The following BPTF variants were observed in gnomAD, a reference collection of about 807,000 sequenced individuals.
BPTF encodes the protein bromodomain PHD finger transcription factor.
Under a neutral mutation model 292.5 loss-of-function variants are expected in BPTF, and 18 were observed. That is an observed-to-expected ratio of 0.06 (90% CI 0.04 to 0.09). The LOEUF (loss-of-function observed/expected upper bound fraction) is 0.09. BPTF is among the 10% of genes least tolerant of loss of function. The probability of loss-of-function intolerance (pLI) is 1.00; values close to 1 mark genes in which losing one functional copy is unlikely to be tolerated. For missense variants in BPTF, 2,726 were observed against 3,498.7 expected (o/e 0.78, Z 5.57); for synonymous variants, 1,225 against 1,251.9 (o/e 0.98, Z 0.45).
At chr17:67,973,636 G>A (rs1555692213) in intron 26 of BPTF, among the ~76,000 whole-genome samples, 1 of 151,942 alleles carries the variant, frequency 6.6e-6, no homozygotes, top group Non-Finnish European at 1.5e-5. Flanking sequence ...CTCCCTAGTA[G>A]CTGGGATTAA....
In BPTF at chr17:67,969,400, C is replaced by T. The variant is rs1199234410; in HGVS notation, c.8539+2744C>T. Among the ~76,000 whole-genome samples, 5 of 127,370 alleles carry T rather than the reference C, an allele frequency of 3.9e-5. No homozygotes were observed. In the Admixed American group the frequency reaches 5.0e-4, roughly 13 times the overall value. The allele number at this position is 127,370 out of a possible 152,430, so 83.6% of individuals were successfully genotyped here. On this transcript the variant is annotated intron_variant, in intron 26 of 27. Coordinates refer to ENST00000306378, the MANE Select transcript of BPTF (RefSeq NM_182641.4). ...CTGAGAGGCAGAGGTTGCTGTGAGA[C>T]AAGATCGCGCCACTGCACTCCAGCC...
chr17:67,874,961 T>G lies in BPTF; in HGVS notation c.1805T>G (p.Leu602Arg). The G allele has an allele frequency of 6.2e-7, 1 of 1,613,738 alleles. No homozygotes were observed. Among genetic ancestry groups the G allele is most frequent in the Non-Finnish European group, 8.5e-7 (1 of 1,179,866 alleles). The change falls in exon 4 of 28, where the codon CTT becomes CGT. Residue 602 changes from leucine (L) to arginine (R), a missense_variant. By Grantham distance (102) the Leu-to-Arg change is moderately radical (BLOSUM62 -2). Coordinates refer to ENST00000306378, the MANE Select transcript of BPTF (RefSeq NM_182641.4). ...AGAGAAGAATTTGAAGACCAGTCCC[T>G]TGAAAAAGACAGTGACGACAAAACA... Reference protein sequence around the residue: ...KNREEFEDQSLEKDSDDKTPD... With the variant: ...KNREEFEDQSREKDSDDKTPD...
chr17:67,892,607 T>A (rs1246421339), intron 5 of BPTF, among the ~76,000 whole-genome samples: 2 of 152,132 alleles, frequency 1.3e-5, no homozygotes, highest in African/African-American at 4.8e-5. Context: ...GAGAATTATT[T>A]GCAGGGTAGA....
intron 23 of BPTF, among the ~76,000 whole-genome samples, chr17:67,949,572 C>G (rs1397712996): frequency 6.7e-6 from 1 of 148,372 alleles, no homozygotes; most frequent in East Asian, 2.0e-4. Flanking sequence ...GAGACTCCAT[C>G]TCAAAAAAAA....
chr17:67,874,977 C>A lies in BPTF; in HGVS notation c.1821C>A (p.Asp607Glu), dbSNP rs758457228. ...FEDQSLEKDSDDKTPDDDPEQ... is the reference protein window; with the variant it reads ...FEDQSLEKDSEDKTPDDDPEQ... ...ACCAGTCCCTTGAAAAAGACAGTGA[C>A]GACAAAACACCAGATGATGACCCTG... Residue 607 changes from aspartate to glutamate, a missense_variant, in exon 4 of 28, where the codon GAC becomes GAA. Coordinates refer to ENST00000306378, the MANE Select transcript of BPTF (RefSeq NM_182641.4). 1.2e-6 allele frequency: 2 copies of A among 1,613,276 alleles called. No homozygotes were observed. Among genetic ancestry groups the A allele is most frequent in the Non-Finnish European group, 1.7e-6 (2 of 1,179,752 alleles).
Position 67,947,802 on chromosome 17 carries a change from A to G in BPTF, c.7694A>G (p.Asn2565Ser), listed in dbSNP as rs1555676191. The change falls in exon 22 of 28, where the codon AAT becomes AGT. Residue 2565 changes from asparagine (N) to serine (S), a missense_variant. This residue lies in a region of BPTF where 570 missense variants were observed against 633.5 expected (regional missense o/e 0.90). Coordinates refer to ENST00000306378, the MANE Select transcript of BPTF (RefSeq NM_182641.4). ...ATGACTCCAGCTGAAAGAGAAGAGA[A>G]TCAAAGGTAGGGGAGACGCAGGGTC... Reference protein sequence around the residue: ...KSMTPAEREENQRMIVCNQVM... With the variant: ...KSMTPAEREESQRMIVCNQVM... The G allele has an allele frequency of 6.4e-7, 1 of 1,552,096 alleles. No homozygotes were observed. Among genetic ancestry groups the G allele is most frequent in the Middle Eastern group, 1.7e-4 (1 of 5,992 alleles).
intron 27 of BPTF, among the ~76,000 whole-genome samples, chr17:67,978,686 G>A (rs1280891680): frequency 5.3e-5 from 8 of 152,120 alleles, no homozygotes; most frequent in African/African-American, 1.9e-4. Context: ...TATACAGCAG[G>A]CTGTAAAATG....
chr17:67,939,830 A>C (rs558027110), intron 18 of BPTF, among the ~76,000 whole-genome samples: 19 of 152,330 alleles, frequency 1.2e-4, no homozygotes, highest in African/African-American at 4.6e-4. Context: ...CAGTGAGCCA[A>C]GATCACGCCA....
intron 13 of BPTF, among the ~76,000 whole-genome samples, chr17:67,920,788 A>G (rs1009249146): frequency 6.6e-6 from 1 of 152,220 alleles, no homozygotes; most frequent in Admixed American, 6.5e-5. Context: ...GTCTACTTAG[A>G]AAATTCATGA....
rs1269349964 is a variant in BPTF at position 67,826,085 on chromosome 17, G to C, written c.361G>C (p.Val121Leu). ...CCGGACCACCGCGGCCCGGAGGGCC[G>C]TCAACAAAGTGGTGTACGATGACCA... The part of the protein sequence containing the change: ...LARTTAARRA[V>L]NKVVYDDHES... Residue 121 changes from valine to leucine, a missense_variant, in exon 1 of 28, where the codon GTC becomes CTC. By Grantham distance (32) the Val-to-Leu change is conservative. This residue lies in a region of BPTF where 153 missense variants were observed against 178.3 expected (regional missense o/e 0.86). Coordinates refer to ENST00000306378, the MANE Select transcript of BPTF (RefSeq NM_182641.4). 1 of 1,318,840 alleles carries C rather than the reference G, an allele frequency of 7.6e-7. No individual in the cohort carries two copies. Among genetic ancestry groups the C allele is most frequent in the Admixed American group, 2.2e-5 (1 of 45,426 alleles). 81.7% of individuals were successfully genotyped at this position (1,318,840 alleles called of 1,614,324 possible).
chr17:67,869,899 G>A (rs1286830623), intron 3 of BPTF, among the ~76,000 whole-genome samples: 1 of 148,200 alleles, frequency 6.7e-6, no homozygotes, highest in Non-Finnish European at 1.5e-5. Context: ...CTACTCGGCA[G>A]CCTGAGGCAA....
chr17:67,952,649 A>G (rs1391562641), intron 23 of BPTF, among the ~76,000 whole-genome samples: 3 of 152,120 alleles, frequency 2.0e-5, no homozygotes, highest in Admixed American at 6.6e-5. Context: ...AATTTCCCCT[A>G]TTAATGTTAG....
rs566562284 is a variant in BPTF at position 67,869,751 on chromosome 17, A to T, written c.1660+3064A>T. Among the ~76,000 whole-genome samples, 4 of 147,106 alleles carry T rather than the reference A, an allele frequency of 2.7e-5. No individual in the cohort carries two copies. In the South Asian group the frequency reaches 8.7e-4, roughly 32 times the overall value. On this transcript the variant is annotated intron_variant, in intron 3 of 27. Coordinates refer to ENST00000306378, the MANE Select transcript of BPTF (RefSeq NM_182641.4). ...GTAATCCCAGCATTTTGGGAGGCTG[A>T]GGCGGGCGGATCACGAGGTCAGGAG...
At chr17:67,967,137 A>G (rs1268731437) in intron 26 of BPTF, among the ~76,000 whole-genome samples, 4 of 46,768 alleles carry the variant, frequency 8.6e-5, no homozygotes, top group Non-Finnish European at 2.1e-4. Flanking sequence ...TTAATTGTGC[A>G]TACTTTTTTT....
chr17:67,957,193 G>A (rs1167671983), intron 23 of BPTF: 3 of 152,092 alleles, frequency 2.0e-5, no homozygotes, highest in South Asian at 4.1e-4. Context: ...TGAGGCAGGT[G>A]AATCACTTGA....
At chr17:67,924,450 C>T in intron 14 of BPTF, 97 bp from the exon 15 acceptor site, 1 of 1,210,330 alleles carries the variant, frequency 8.3e-7, no homozygotes, top group Non-Finnish European at 1.2e-6. Context: ...AATATCATAC[C>T]TTTGTATGAT....
intron 24 of BPTF, among the ~76,000 whole-genome samples, chr17:67,961,004 AT>A (rs1169355093): frequency 5.7e-4 from 87 of 151,898 alleles, no homozygotes; most frequent in Non-Finnish European, 9.7e-4. Flanking sequence ...TGATTCACTG[AT>A]TTTTTTTTAC....
At chr17:67,904,962 G>A (rs947662099) in intron 9 of BPTF, 122 bp downstream of exon 9, 56 of 720,462 alleles carry the variant, frequency 7.8e-5, no homozygotes, top group Non-Finnish European at 6.5e-5. Flanking sequence ...TCGTACTGCA[G>A]AATTACTAGT....
chr17:67,872,830 C>T (rs1486831558), intron 3 of BPTF, among the ~76,000 whole-genome samples: 1 of 152,208 alleles, frequency 6.6e-6, no homozygotes, highest in African/African-American at 2.4e-5. Flanking sequence ...CTGGGCACTG[C>T]TAACGCCTGT....
Sources: gnomAD v4.1 joint callset for allele counts (sites outside exome capture counted in the v4.1 genomes callset) on GRCh38, gnomAD v4.1.1 for gene constraint, gnomAD v4.1.1 regional missense constraint, MANE v1.5 for transcripts, NCBI Gene and HGNC (gene_info 2026-07-23, HGNC 2026-07-21) for gene names.